The following RBFOX1 variants were observed in gnomAD, a reference collection of about 807,000 sequenced individuals.
RBFOX1 encodes RNA binding protein fox-1 homolog 1.
RBFOX1 carries 8 observed loss-of-function variants against 57.7 expected under a neutral mutation model. That is an observed-to-expected ratio of 0.14 (90% confidence interval 0.08 to 0.25). RBFOX1 has a LOEUF of 0.25. Among genes scored for constraint, RBFOX1 ranks in the 10% least tolerant of loss-of-function variants. The pLI, the probability that RBFOX1 is intolerant of heterozygous loss-of-function variation, is 1.00. For synonymous variants in RBFOX1, 326 were observed against 222.4 expected (o/e 1.47, Z -4.15); for missense variants, 611 against 548.5 (o/e 1.11, Z -1.14).
chr16:5,614,161 G>T (rs954602863), intron 3 of RBFOX1, among the ~76,000 whole-genome samples: 4 of 152,172 alleles, frequency 2.6e-5, no homozygotes, highest in African/African-American at 9.7e-5. Context: ...GGATCAGGTG[G>T]TTGGGGGATC....
rs867004999 is a variant in RBFOX1, at chr16:6,134,885, T to G, written c.-127+114893T>G. Among the ~76,000 whole-genome samples the G allele has an allele frequency of 3.7e-4, 57 of 152,194 alleles. 1 individual carries two copies. The Middle Eastern group carries it at 0.01, about 27-fold the overall frequency. The stretch of plus-strand genomic sequence containing the variant: ...TATACTTTAAGTTCTAGGGTACATA[T>G]GCACAACGTGCAGGGTTGTTACATA... On this transcript the variant is annotated intron_variant, in intron 1 of 15. Coordinates refer to ENST00000550418, the MANE Select transcript of RBFOX1 (RefSeq NM_018723.4).
chr16:7,298,252 C>G (rs1296671830), intron 4 of RBFOX1, among the ~76,000 whole-genome samples: 1 of 146,866 alleles, frequency 6.8e-6, no homozygotes, highest in Non-Finnish European at 1.5e-5. Context: ...CAACCCACCA[C>G]AATGTAGAAA....
chr16:6,796,495 A>G (rs1178291225), intron 3 of RBFOX1, among the ~76,000 whole-genome samples: 1 of 152,196 alleles, frequency 6.6e-6, no homozygotes, highest in Non-Finnish European at 1.5e-5. Flanking sequence ...CATTTTCAAT[A>G]AATAACTCTT....
chr16:5,640,276 G>A (rs887329876), intron 3 of RBFOX1, among the ~76,000 whole-genome samples: 1 of 152,134 alleles, frequency 6.6e-6, no homozygotes, highest in Non-Finnish European at 1.5e-5. Flanking sequence ...TTAGCCATCG[G>A]TCTGAAAGTA....
intron 3 of RBFOX1, among the ~76,000 whole-genome samples, chr16:7,040,989 C>T (rs1439253754): frequency 6.6e-6 from 1 of 150,740 alleles, no homozygotes; most frequent in Non-Finnish European, 1.5e-5. Context: ...AATCTCTGCT[C>T]ATTGCAACGT....
intron 2 of RBFOX1, among the ~76,000 whole-genome samples, chr16:6,580,591 G>T (rs552129441): frequency 2.0e-5 from 3 of 152,098 alleles, no homozygotes; most frequent in African/African-American, 7.2e-5. Flanking sequence ...AATGTCACAG[G>T]GGGGGATGCA....
chr16:7,549,242 C>G (rs112237286), intron 5 of RBFOX1, among the ~76,000 whole-genome samples: 4,231 of 152,246 alleles, frequency 0.028, 77 homozygotes, highest in Middle Eastern at 0.075. Flanking sequence ...TCACTAGCCC[C>G]CAATTTGGAA....
chr16:7,517,157 G>C lies in RBFOX1; in HGVS notation c.28-990G>C, dbSNP rs796472368. On this transcript the variant is annotated intron_variant, in intron 4 of 15. Transcript: ENST00000550418. ...TTATGCCGTGTGTGTGTGTGTGTGT[G>C]TGTGTGTGTGTGTGTGTGTGTGTGT... Among the ~76,000 whole-genome samples, 248 of 149,722 alleles carry C rather than the reference G, an allele frequency of 1.7e-3. 3 individuals carry two copies. The highest frequency in any genetic ancestry group is 5.9e-3 in the African/African-American group (240 of 40,712).
intron 4 of RBFOX1, among the ~76,000 whole-genome samples, chr16:7,320,181 G>C (rs2096520610): frequency 6.6e-6 from 1 of 152,072 alleles, no homozygotes; most frequent in Non-Finnish European, 1.5e-5. Flanking sequence ...CCATCAGCTA[G>C]GTATTAAGCC....
chr16:6,160,055 T>C (rs2096866831), intron 1 of RBFOX1, among the ~76,000 whole-genome samples: 1 of 152,204 alleles, frequency 6.6e-6, no homozygotes, highest in Non-Finnish European at 1.5e-5. Context: ...AAGATGCTTA[T>C]GCCTTATTGA....
chr16:7,375,728 C>G (rs1363658966), intron 4 of RBFOX1, among the ~76,000 whole-genome samples: 1 of 152,116 alleles, frequency 6.6e-6, no homozygotes, highest in Non-Finnish European at 1.5e-5. Context: ...TAAATAAATA[C>G]AGTGACAAAT....
chr16:5,719,967 C>G (rs2051866690), intron 3 of RBFOX1, among the ~76,000 whole-genome samples: 2 of 152,086 alleles, frequency 1.3e-5, no homozygotes, highest in South Asian at 4.2e-4. Context: ...CGCCCCGCCC[C>G]CATGATTTGA....
intron 2 of RBFOX1, among the ~76,000 whole-genome samples, chr16:6,457,471 G>T (rs2094806205): frequency 7.0e-6 from 1 of 142,774 alleles, no homozygotes; most frequent in Non-Finnish European, 1.5e-5. Flanking sequence ...ATTTGACATG[G>T]AGAGAAGTGT....
intron 5 of RBFOX1, among the ~76,000 whole-genome samples, chr16:7,575,057 G>C (rs185872786): frequency 2.6e-5 from 4 of 151,584 alleles, no homozygotes; most frequent in African/African-American, 7.3e-5. Flanking sequence ...ATTTGGGGGG[G>C]GCTGTGGGGG....
chr16:7,040,560 CCTT>C (rs61203429), intron 3 of RBFOX1, among the ~76,000 whole-genome samples: 7,690 of 152,022 alleles, frequency 0.051, 668 homozygotes, highest in African/African-American at 0.18. Flanking sequence ...CTTCTCTGTC[CCTT>C]CTTCTCCACT....
intron 4 of RBFOX1, among the ~76,000 whole-genome samples, chr16:7,119,774 TCTCA>T (rs1426665688): frequency 6.6e-6 from 1 of 152,086 alleles, no homozygotes; most frequent in African/African-American, 2.4e-5. Context: ...GTGAAGTCTG[TCTCA>T]CTATTTGATA....
chr16:6,502,215 A>G (rs992163454), intron 2 of RBFOX1, among the ~76,000 whole-genome samples: 2 of 152,174 alleles, frequency 1.3e-5, no homozygotes, highest in Admixed American at 6.5e-5. Context: ...ATGGGGAGCT[A>G]TGCAGATCCA....
At chr16:7,508,462 G>T (rs558627957) in intron 4 of RBFOX1, among the ~76,000 whole-genome samples, 7 of 152,116 alleles carry the variant, frequency 4.6e-5, no homozygotes, top group Non-Finnish European at 8.8e-5. Context: ...CTCGCATACT[G>T]AGCTGGAGTC....
intron 3 of RBFOX1, among the ~76,000 whole-genome samples, chr16:6,914,804 C>T (rs1246528421): frequency 6.6e-6 from 1 of 152,180 alleles, no homozygotes; most frequent in Non-Finnish European, 1.5e-5. Flanking sequence ...AACAAGATCG[C>T]TGAAGCCCAG....
Sources: allele counts gnomAD v4.1 joint callset (sites outside exome capture counted in the v4.1 genomes callset), GRCh38; gene constraint gnomAD v4.1.1; transcripts MANE v1.5; gene names NCBI Gene and HGNC (gene_info 2026-07-23, HGNC 2026-07-21).